Variants in LHFPL6 observed in about 807,000 individuals in gnomAD.
The protein encoded by LHFPL6 is LHFPL tetraspan subfamily member 6 protein.
A neutral mutation model predicts 20.6 loss-of-function variants in LHFPL6; 9 were observed. That is an observed-to-expected ratio of 0.44 (90% CI 0.26 to 0.76). The LOEUF is 0.76. Among genes scored for constraint, LHFPL6 ranks in the 30% least tolerant of loss-of-function variants. The pLI, the probability that LHFPL6 is intolerant of heterozygous loss-of-function variation, is 0.20. For synonymous variants in LHFPL6, 105 were observed against 98.7 expected (o/e 1.06, Z -0.38); for missense variants, 218 against 253.5 (o/e 0.86, Z 0.95).
intron 2 of LHFPL6, among the ~76,000 whole-genome samples, chr13:39,511,969 C>G (rs1869721805): frequency 6.6e-6 from 1 of 152,174 alleles, no homozygotes; most frequent in African/African-American, 2.4e-5. Flanking sequence ...CAGTAAATGC[C>G]TCGAAACATT....
chr13:39,440,991 C>T (rs369594151), intron 2 of LHFPL6, among the ~76,000 whole-genome samples: 11 of 152,066 alleles, frequency 7.2e-5, no homozygotes, highest in Admixed American at 7.2e-4. Flanking sequence ...GGCCTCCCCC[C>T]CAGCCATGCG....
chr13:39,412,743 T>C (rs1276496855), intron 2 of LHFPL6, among the ~76,000 whole-genome samples: 1 of 152,100 alleles, frequency 6.6e-6, no homozygotes, highest in Non-Finnish European at 1.5e-5. Context: ...GCCAAGATTG[T>C]GAAACCCTGT....
Position 39,600,820 on chromosome 13 carries a change from C to T in LHFPL6, c.385+12G>A. 2 of 1,475,106 alleles carry T rather than the reference C, an allele frequency of 1.4e-6. No individual in the cohort carries two copies. The highest frequency in any genetic ancestry group is 3.1e-5 in the South Asian group (2 of 64,250). The allele number at this position is 1,475,106 out of a possible 1,614,324, so 91.4% of individuals were successfully genotyped here. ...ATTCCAGTAAACAACTCAAGCTCAG[C>T]AAGTCACTTACCCCCAAGAAACTGA... On this transcript the variant is annotated intron_variant, in intron 2 of 3. Coordinates refer to ENST00000379589, the MANE Select transcript of LHFPL6 (RefSeq NM_005780.3).
intron 2 of LHFPL6, among the ~76,000 whole-genome samples, chr13:39,425,180 T>C (rs995726479): frequency 1.3e-5 from 2 of 152,230 alleles, no homozygotes; most frequent in African/African-American, 4.8e-5. Context: ...ACATATGTAC[T>C]CTTCATCTGG....
At chr13:39,436,778 C>T (rs1044012261) in intron 2 of LHFPL6, among the ~76,000 whole-genome samples, 2 of 152,210 alleles carry the variant, frequency 1.3e-5, no homozygotes, top group African/African-American at 4.8e-5. Context: ...CACTGTGTTT[C>T]CTGAGTTAGT....
At chr13:39,482,772 T>C (rs1473359929) in intron 2 of LHFPL6, among the ~76,000 whole-genome samples, 1 of 152,074 alleles carries the variant, frequency 6.6e-6, no homozygotes, top group Non-Finnish European at 1.5e-5. Context: ...AAAACTCAAC[T>C]GTATGAAAGC....
intron 2 of LHFPL6, among the ~76,000 whole-genome samples, chr13:39,519,289 T>C (rs1439537991): frequency 6.6e-6 from 1 of 152,100 alleles, no homozygotes; most frequent in Non-Finnish European, 1.5e-5. Context: ...ATACAACTTG[T>C]ATAAATACAC....
At chr13:39,431,154 G>A (rs369571392) in intron 2 of LHFPL6, among the ~76,000 whole-genome samples, 6 of 151,768 alleles carry the variant, frequency 4.0e-5, no homozygotes, top group African/African-American at 1.2e-4. Context: ...GCAAGACCAC[G>A]AACCCACCAG....
At chr13:39,410,853 C>T (rs536017442) in intron 2 of LHFPL6, among the ~76,000 whole-genome samples, 2 of 152,268 alleles carry the variant, frequency 1.3e-5, no homozygotes, top group East Asian at 3.9e-4. Context: ...TCATTGTCCC[C>T]TATCAATCTT....
intron 3 of LHFPL6, among the ~76,000 whole-genome samples, chr13:39,353,953 G>C (rs1253341678): frequency 6.6e-6 from 1 of 152,136 alleles, no homozygotes; most frequent in Non-Finnish European, 1.5e-5. Context: ...GAAGGTGTGT[G>C]TAATGGTAGA....
At position 39,343,296 on chromosome 13, in the gene LHFPL6, T is replaced by C. The variant is rs992497005; in HGVS notation, c.*640A>G. ...GGCTTATTGGTCCATTTATTAGGCT[T>C]AATGTATGTTTTATAAAGTGATAAT... On this transcript the variant is annotated 3_prime_UTR_variant, in exon 4 of 4. Coordinates refer to ENST00000379589, the MANE Select transcript of LHFPL6 (RefSeq NM_005780.3). 2 of 220,012 alleles carry C rather than the reference T, an allele frequency of 9.1e-6. No homozygotes were observed. Among genetic ancestry groups the C allele is most frequent in the African/African-American group, 4.5e-5 (2 of 44,652 alleles). The allele number at this position is 220,012 out of a possible 1,614,324, so 13.6% of individuals were successfully genotyped here. A position where few individuals can be genotyped will look rare whatever the true frequency, so the allele number is the denominator to read the frequency against.
chr13:39,579,783 A>G (rs907065703), intron 2 of LHFPL6, among the ~76,000 whole-genome samples: 35 of 152,184 alleles, frequency 2.3e-4, no homozygotes, highest in African/African-American at 8.0e-4. Flanking sequence ...TTTTGTGAAG[A>G]TAGAATAACG....
chr13:39,374,289 T>G (rs754238112), intron 3 of LHFPL6, among the ~76,000 whole-genome samples: 5 of 152,072 alleles, frequency 3.3e-5, no homozygotes, highest in Admixed American at 2.6e-4. Context: ...AACCAAATAT[T>G]GCATGTTCTC....
Position 39,599,672 on chromosome 13 carries a change from A to G in LHFPL6, c.385+1160T>C, listed in dbSNP as rs536942662. On this transcript the variant is annotated intron_variant, in intron 2 of 3. Transcript: ENST00000379589. ...AACTTTCTATCTCATTTCAAAACAC[A>G]AAACTTTGCCACTTGCATTTTCAGC... Among the ~76,000 whole-genome samples the G allele has an allele frequency of 4.3e-4, 65 of 152,364 alleles. 2 individuals are homozygous for G. In the South Asian group the frequency reaches 0.013, roughly 31 times the overall value.
chr13:39,439,348 A>T (rs1476579957), intron 2 of LHFPL6, among the ~76,000 whole-genome samples: 1 of 152,096 alleles, frequency 6.6e-6, no homozygotes, highest in African/African-American at 2.4e-5. Flanking sequence ...CTATATCCTC[A>T]TTGTATCTAG....
intron 2 of LHFPL6, among the ~76,000 whole-genome samples, chr13:39,596,667 AAG>A (rs1297340003): frequency 2.6e-5 from 4 of 152,018 alleles, no homozygotes; most frequent in African/African-American, 9.6e-5. Flanking sequence ...AAAAAAAAAA[AAG>A]AGCCCTGCCT....
At chr13:39,476,088 C>A (rs772116470) in intron 2 of LHFPL6, among the ~76,000 whole-genome samples, 5 of 152,154 alleles carry the variant, frequency 3.3e-5, no homozygotes, top group African/African-American at 4.8e-5. Context: ...TGAGTATTTA[C>A]TATTTCTATA....
chr13:39,431,714 T>G (rs1013996199), intron 2 of LHFPL6, among the ~76,000 whole-genome samples: 1 of 84,490 alleles, frequency 1.2e-5, no homozygotes. Flanking sequence ...CCTGTAGAAT[T>G]TGTGGGGGGG....
chr13:39,428,739 T>G (rs1242578810), intron 2 of LHFPL6, among the ~76,000 whole-genome samples: 1 of 152,192 alleles, frequency 6.6e-6, no homozygotes, highest in Non-Finnish European at 1.5e-5. Context: ...ACTTTGAATT[T>G]CTCTTTCTTG....
Sources: allele counts gnomAD v4.1 joint callset (sites outside exome capture counted in the v4.1 genomes callset), GRCh38; gene constraint gnomAD v4.1.1; transcripts MANE v1.5; gene names NCBI Gene and HGNC (gene_info 2026-07-23, HGNC 2026-07-21).